FHIP1A: variants seen among roughly 807,000 people sequenced by gnomAD.
FHIP1A encodes FHF complex subunit HOOK interacting protein 1A, also known as FHF complex subunit HOOK-interacting protein 1A.
In FHIP1A, 61 loss-of-function variants were observed where a neutral mutation model predicts 88.6. The ratio of observed to expected loss-of-function variants is 0.69; its 90% CI spans 0.56 to 0.85. The LOEUF is 0.85. Among genes scored for constraint, FHIP1A ranks in the 40% least tolerant of loss-of-function variants. The pLI is 0.00. For synonymous variants in FHIP1A, 478 were observed against 496.0 expected, an observed-to-expected ratio of 0.96 and a Z score of 0.48; for missense variants, 1,154 against 1,273.5, an observed-to-expected ratio of 0.91 and a Z score of 1.43.
chr4:151,556,218 A>G (rs2126754660), intron 3 of FHIP1A, among the ~76,000 whole-genome samples: 1 of 152,280 alleles, frequency 6.6e-6, no homozygotes, highest in South Asian at 2.1e-4. Flanking sequence ...GCTGGAAGTT[A>G]CTGCTGCTAA....
chr4:151,451,862 C>T (rs1728802748), intron 1 of FHIP1A, among the ~76,000 whole-genome samples: 2 of 149,810 alleles, frequency 1.3e-5, no homozygotes, highest in Middle Eastern at 3.4e-3. Flanking sequence ...TATCTGTTGC[C>T]CAGGCTGAAG....
chr4:151,592,043 C>G (rs7662713), intron 7 of FHIP1A, among the ~76,000 whole-genome samples: 1 of 152,150 alleles, frequency 6.6e-6, no homozygotes, highest in African/African-American at 2.4e-5. Context: ...AATTGCCACA[C>G]TGTCTTCCAC....
chr4:151,571,252 TG>T (rs1318944054), intron 4 of FHIP1A, among the ~76,000 whole-genome samples: 1 of 152,230 alleles, frequency 6.6e-6, no homozygotes, highest in Non-Finnish European at 1.5e-5. Context: ...CAATTGGAAA[TG>T]CACATTTCTG....
At chr4:151,449,903 G>T (rs1229922513) in intron 1 of FHIP1A, among the ~76,000 whole-genome samples, 1 of 152,112 alleles carries the variant, frequency 6.6e-6, no homozygotes, top group Admixed American at 6.5e-5. Flanking sequence ...GAGTTTTTCT[G>T]TGATGATTTT....
At chr4:151,430,959 T>C (rs1733569807) in intron 1 of FHIP1A, among the ~76,000 whole-genome samples, 1 of 152,352 alleles carries the variant, frequency 6.6e-6, no homozygotes, top group Admixed American at 6.5e-5. Flanking sequence ...TTTTGTTTTG[T>C]TGACTACTTG....
chr4:151,526,475 C>CGGGTGGG (rs1731648053), intron 3 of FHIP1A, among the ~76,000 whole-genome samples: 1 of 146,344 alleles, frequency 6.8e-6, no homozygotes, highest in East Asian at 2.1e-4. Flanking sequence ...GGCGGCTGGC[C>CGGGTGGG]GGGCGGGGGG....
chr4:151,480,235 T>C (rs1729845965), intron 2 of FHIP1A, among the ~76,000 whole-genome samples: 1 of 151,994 alleles, frequency 6.6e-6, no homozygotes, highest in Non-Finnish European at 1.5e-5. Context: ...GGCGGGATCA[T>C]GATGGTAAAA....
intron 13 of FHIP1A, among the ~76,000 whole-genome samples, chr4:151,659,422 A>G (rs1737370547): frequency 6.6e-6 from 1 of 152,186 alleles, no homozygotes; most frequent in Non-Finnish European, 1.5e-5. Context: ...ATACAGAGCA[A>G]TTTACAATGA....
chr4:151,507,773 A>G (rs1730887153), intron 3 of FHIP1A, among the ~76,000 whole-genome samples: 1 of 152,212 alleles, frequency 6.6e-6, no homozygotes, highest in African/African-American at 2.4e-5. Flanking sequence ...GTTGAGAACC[A>G]CAGTTCTGTC....
rs150279635 is a variant in FHIP1A at position 151,657,940 on chromosome 4, T to G, written c.2869+1042T>G. 1.9e-3 allele frequency among the ~76,000 whole-genome samples: 296 copies of G among 152,320 alleles called. 5 individuals carry two copies. The highest frequency in any genetic ancestry group is 5.3e-4 in the Non-Finnish European group (36 of 68,022). On this transcript the variant is annotated intron_variant, in intron 13 of 13. Transcript: ENST00000435205. ...CTTGACTTTTAAATGAAGGATTTGT[T>G]CTCCATCTCTTAGGTGCTTTCCGGC...
chr4:151,622,511 G>T (rs1735785515), intron 7 of FHIP1A, among the ~76,000 whole-genome samples: 1 of 152,070 alleles, frequency 6.6e-6, no homozygotes, highest in African/African-American at 2.4e-5. Context: ...TGGTGATTCT[G>T]TGAGACACCC....
rs867512229 is a variant in FHIP1A at position 151,638,688 on chromosome 4, G to A, written c.1158G>A (p.Val386=). 8 of 1,548,464 alleles carry A rather than the reference G, an allele frequency of 5.2e-6. No homozygotes were observed. Among genetic ancestry groups the A allele is most frequent in the Middle Eastern group, 3.3e-4 (2 of 5,982 alleles). ...RINTPFRLCV[V]SLALFRTLIG... The stretch of plus-strand genomic sequence containing the variant: ...CTCTTGCTTCCCAGCTTTGTGTGGT[G>A]TCTCTGGCATTATTCAGAACTCTCA... Residue 386 remains valine, a synonymous_variant, in exon 9 of 14, where the codon GTG becomes GTA. Transcript: ENST00000435205.
chr4:151,619,362 G>T (rs1030496606), intron 7 of FHIP1A, among the ~76,000 whole-genome samples: 1 of 152,184 alleles, frequency 6.6e-6, no homozygotes, highest in South Asian at 2.1e-4. Context: ...AGTCTGTCTA[G>T]TGTATATTTT....
intron 7 of FHIP1A, among the ~76,000 whole-genome samples, chr4:151,619,812 C>T (rs962656516): frequency 1.2e-4 from 19 of 152,176 alleles, no homozygotes; most frequent in African/African-American, 4.6e-4. Flanking sequence ...AACACTGAAT[C>T]GGTGTGCCTA....
chr4:151,515,541 A>G (rs1211761482), intron 3 of FHIP1A, among the ~76,000 whole-genome samples: 1 of 152,226 alleles, frequency 6.6e-6, no homozygotes, highest in Non-Finnish European at 1.5e-5. Flanking sequence ...ACATGATTGT[A>G]TATCTAGAAA....
intron 3 of FHIP1A, among the ~76,000 whole-genome samples, chr4:151,539,058 A>G (rs1049684486): frequency 3.9e-5 from 6 of 152,180 alleles, no homozygotes; most frequent in Non-Finnish European, 7.4e-5. Context: ...AAATATTGCA[A>G]ATTAAACTCT....
chr4:151,531,565 A>T (rs953922978), intron 3 of FHIP1A, among the ~76,000 whole-genome samples: 4 of 151,440 alleles, frequency 2.6e-5, no homozygotes, highest in Non-Finnish European at 5.9e-5. Context: ...TAAAATTTTC[A>T]TATGAGACAG....
intron 7 of FHIP1A, among the ~76,000 whole-genome samples, chr4:151,605,854 C>G (rs1735052697): frequency 6.6e-6 from 1 of 152,146 alleles, no homozygotes. Context: ...TTGTGAGTTG[C>G]CCACTTGCTG....
intron 2 of FHIP1A, among the ~76,000 whole-genome samples, chr4:151,468,894 G>A (rs1443103020): frequency 6.6e-6 from 1 of 152,178 alleles, no homozygotes; most frequent in East Asian, 1.9e-4. Context: ...TTATCATTAT[G>A]AACCTGTTCC....
Sources: allele counts gnomAD v4.1 joint callset (sites outside exome capture counted in the v4.1 genomes callset), GRCh38; gene constraint gnomAD v4.1.1; transcripts MANE v1.5; gene names NCBI Gene and HGNC (gene_info 2026-07-23, HGNC 2026-07-21).